The following LRRC4B variants were observed in gnomAD, a reference collection of about 807,000 sequenced individuals.
The protein encoded by LRRC4B is leucine rich repeat containing 4B, also known as leucine-rich repeat-containing protein 4B.
A neutral mutation model predicts 7.3 loss-of-function variants in LRRC4B; 1 was observed. That is an observed-to-expected ratio of 0.14 (90% CI 0.05 to 0.65). The LOEUF (loss-of-function observed/expected upper bound fraction) is 0.65, where lower values mean the gene tolerates loss of function less well. LRRC4B is among the 30% of genes least tolerant of loss of function. LRRC4B has a pLI of 0.84. For missense variants in LRRC4B, 730 were observed against 1,041.6 expected, an observed-to-expected ratio of 0.70 and a Z score of 4.12; for synonymous variants, 500 against 499.2, an observed-to-expected ratio of 1.00 and a Z score of -0.02.
chr19:50,530,818 C>T (rs111784534), intron 2 of LRRC4B, among the ~76,000 whole-genome samples: 3,331 of 151,778 alleles, frequency 0.022, 66 homozygotes, highest in Admixed American at 0.07. Context: ...CTCACTGCAA[C>T]CTCCGTCTCC....
intron 2 of LRRC4B, among the ~76,000 whole-genome samples, chr19:50,523,843 C>T (rs1980688029): frequency 6.6e-6 from 1 of 150,382 alleles, no homozygotes; most frequent in South Asian, 2.1e-4. Flanking sequence ...CCTGTAATCC[C>T]AGCTACTTGG....
intron 1 of LRRC4B, among the ~76,000 whole-genome samples, chr19:50,567,351 G>A (rs533937210): frequency 1.1e-3 from 173 of 151,854 alleles, no homozygotes; most frequent in African/African-American, 3.8e-3. Flanking sequence ...AGACTGGGGA[G>A]GGGGTTGTCT....
chr19:50,551,254 G>A (rs1444111280), intron 1 of LRRC4B, among the ~76,000 whole-genome samples: 2 of 150,246 alleles, frequency 1.3e-5, no homozygotes, highest in Non-Finnish European at 3.0e-5. Flanking sequence ...CATGCCTCCG[G>A]CCAGCCGGGG....
intron 2 of LRRC4B, among the ~76,000 whole-genome samples, chr19:50,546,707 G>A (rs751740190): frequency 1.1e-4 from 17 of 152,264 alleles, no homozygotes; most frequent in South Asian, 8.3e-4. Flanking sequence ...CGCTCAGCAC[G>A]TTTGTGGGAC....
At position 50,537,989 on chromosome 19, in the gene LRRC4B, T is replaced by C. The variant is rs1261415396; in HGVS notation, c.297+10553A>G. Among the ~76,000 whole-genome samples, 1 of 152,210 alleles carries C rather than the reference T, an allele frequency of 6.6e-6. No individual in the cohort carries two copies. The highest frequency in any genetic ancestry group is 6.5e-5 in the Admixed American group (1 of 15,276). The stretch of plus-strand genomic sequence containing the variant: ...GGCCCGCGGCTGGGGAATGTCCCAG[T>C]TGACCTCAAGAGAGGTCAGCTCCTA... On this transcript the variant is annotated intron_variant, in intron 2 of 2. Coordinates refer to ENST00000652263, the MANE Select transcript of LRRC4B (RefSeq NM_001080457.2). This position sits in a 1 kb window ranked among gnomAD's most constrained non-coding sequence, Gnocchi z 5.5.
At chr19:50,547,046 AG>A (rs1346816736) in intron 2 of LRRC4B, among the ~76,000 whole-genome samples, 1 of 152,158 alleles carries the variant, frequency 6.6e-6, no homozygotes, top group Non-Finnish European at 1.5e-5. Context: ...AAGTGGGGGA[AG>A]GATGGAGTGC....
intron 2 of LRRC4B, among the ~76,000 whole-genome samples, chr19:50,540,364 CA>C (rs910987877): frequency 6.6e-6 from 1 of 151,986 alleles, no homozygotes; most frequent in South Asian, 2.1e-4. Context: ...ATTTAAATTA[CA>C]AAAAAATTTT....
rs1599789079 is a variant in LRRC4B at position 50,563,757 on chromosome 19, C to A, written c.-36+4187G>T. Reference sequence around the variant, plus strand: ...GCTGCAACATGGTGCCTTCACGCAACGCTGACTTTCCAACACTGTGAGGGG... The same window carrying A: ...GCTGCAACATGGTGCCTTCACGCAAAGCTGACTTTCCAACACTGTGAGGGG... On this transcript the variant is annotated intron_variant, in intron 1 of 2. Coordinates refer to ENST00000652263, the MANE Select transcript of LRRC4B (RefSeq NM_001080457.2). This position sits in a 1 kb window ranked among gnomAD's most constrained non-coding sequence, Gnocchi z 4.9. 1.3e-5 allele frequency among the ~76,000 whole-genome samples: 2 copies of A among 152,216 alleles called. No homozygotes were observed. The highest frequency in any genetic ancestry group is 4.8e-5 in the African/African-American group (2 of 41,452).
chr19:50,546,066 G>A (rs1232308741), intron 2 of LRRC4B, among the ~76,000 whole-genome samples: 11 of 151,734 alleles, frequency 7.2e-5, no homozygotes, highest in Non-Finnish European at 1.3e-4. Context: ...CAGGCGTGGT[G>A]GCTCACGCCT....
intron 2 of LRRC4B, among the ~76,000 whole-genome samples, chr19:50,541,010 T>C (rs979067786): frequency 7.9e-5 from 12 of 151,302 alleles, no homozygotes; most frequent in East Asian, 2.0e-4. Context: ...GGTGAAACCC[T>C]ATCTCTACTA....
At position 50,537,297 on chromosome 19, in the gene LRRC4B, T is replaced by A. The variant is rs1981334733; in HGVS notation, c.297+11245A>T. ...TGCCTCAGTTTCCTCATCTGTAACA[T>A]GAGAAGAATAGGACCTACTCAGGGG... On this transcript the variant is annotated intron_variant, in intron 2 of 2. Coordinates refer to ENST00000652263, the MANE Select transcript of LRRC4B (RefSeq NM_001080457.2). This position sits in a 1 kb window ranked among gnomAD's most constrained non-coding sequence, Gnocchi z 5.5. 6.6e-6 allele frequency among the ~76,000 whole-genome samples: 1 copy of A among 152,118 alleles called. No homozygotes were observed. Among genetic ancestry groups the A allele is most frequent in the Non-Finnish European group, 1.5e-5 (1 of 68,016 alleles).
chr19:50,545,647 GTAGT>G (rs1364129505), intron 2 of LRRC4B, among the ~76,000 whole-genome samples: 5 of 150,818 alleles, frequency 3.3e-5, no homozygotes, highest in African/African-American at 1.2e-4. Context: ...AATGTAAACA[GTAGT>G]TATTTATATC....
intron 1 of LRRC4B, among the ~76,000 whole-genome samples, chr19:50,550,696 A>G (rs1418795705): frequency 1.3e-5 from 2 of 152,180 alleles, no homozygotes; most frequent in African/African-American, 2.4e-5. Context: ...GGCAGGGGAA[A>G]GAGGGAGCTG....
chr19:50,533,216 T>C (rs1016399055), intron 2 of LRRC4B, among the ~76,000 whole-genome samples: 1 of 152,204 alleles, frequency 6.6e-6, no homozygotes, highest in African/African-American at 2.4e-5. Context: ...ATTTTGTGCT[T>C]TTTAATTGTC....
In LRRC4B at chr19:50,537,147, G is replaced by C. The variant is rs902774469; in HGVS notation, c.297+11395C>G. Among the ~76,000 whole-genome samples the C allele has an allele frequency of 6.6e-6, 1 of 152,162 alleles. No homozygotes were observed. Among genetic ancestry groups the C allele is most frequent in the African/African-American group, 2.4e-5 (1 of 41,436 alleles). ...AGGGTGCAGCGCCAGGGATAGCTAC[G>C]AATTAGGAAGCATTACGAATCGCGT... On this transcript the variant is annotated intron_variant, in intron 2 of 2. Transcript: ENST00000652263. This position sits in a 1 kb window ranked among gnomAD's most constrained non-coding sequence, Gnocchi z 5.5.
intron 1 of LRRC4B, among the ~76,000 whole-genome samples, chr19:50,566,732 G>A (rs776204299): frequency 5.3e-5 from 8 of 151,354 alleles, no homozygotes; most frequent in Non-Finnish European, 1.2e-4. Flanking sequence ...GTTGGAAGGA[G>A]AGGCTCCCAA....
In LRRC4B at chr19:50,563,693, T is replaced by G. The variant is rs1298602293; in HGVS notation, c.-36+4251A>C. Among the ~76,000 whole-genome samples the G allele has an allele frequency of 6.6e-6, 1 of 152,176 alleles. No homozygotes were observed. Among genetic ancestry groups the G allele is most frequent in the African/African-American group, 2.4e-5 (1 of 41,446 alleles). On this transcript the variant is annotated intron_variant, in intron 1 of 2. Coordinates refer to ENST00000652263, the MANE Select transcript of LRRC4B (RefSeq NM_001080457.2). This position sits in a 1 kb window ranked among gnomAD's most constrained non-coding sequence, Gnocchi z 4.9. ...ATGCTGGGGACAAGAGTGTGGGGTC[T>G]GTGGCCCACCCCAGCCATCAGCCAG...
In LRRC4B at chr19:50,517,988, G is replaced by C. The variant is rs754429378; in HGVS notation, c.1725C>G (p.Thr575=). 1 of 1,539,684 alleles carries C rather than the reference G, an allele frequency of 6.5e-7. No homozygotes were observed. The highest frequency in any genetic ancestry group is 2.3e-5 in the East Asian group (1 of 44,094). The part of the protein sequence containing the change: ...LKDLDDVMKT[T]KIIIGCFVAI... ...CCACGAAGCAGCCGATGATGATTTT[G>C]GTGGTCTTCATGACGTCGTCCAGGT... Residue 575 remains threonine, a synonymous_variant, in exon 3 of 3, where the codon ACC becomes ACG. Transcript: ENST00000652263. The surrounding 1 kb of genome is among the most constrained non-coding windows in gnomAD (Gnocchi z 6.6).
At chr19:50,554,595 T>C (rs1430713016) in intron 1 of LRRC4B, among the ~76,000 whole-genome samples, 1 of 152,198 alleles carries the variant, frequency 6.6e-6, no homozygotes, top group Non-Finnish European at 1.5e-5. Context: ...GAATGCTGGC[T>C]AACCTCATCT....
Sources: allele counts gnomAD v4.1 joint callset (sites outside exome capture counted in the v4.1 genomes callset), GRCh38; gene constraint gnomAD v4.1.1; non-coding constraint Gnocchi (gnomAD v3.1); transcripts MANE v1.5; gene names NCBI Gene and HGNC (gene_info 2026-07-23, HGNC 2026-07-21).